Variants in NCEH1 observed in about 807,000 individuals in gnomAD.
NCEH1 encodes 2-acetyl MAGE hydrolase.
Under a neutral mutation model 25.4 loss-of-function variants are expected in NCEH1, and 9 were observed. The observed-to-expected ratio is 0.35, with a 90% CI of 0.21 to 0.62. The LOEUF is 0.62. Among genes scored for constraint, NCEH1 ranks in the 20% least tolerant of loss-of-function variants. NCEH1 has a pLI of 0.72. For missense variants in NCEH1, 412 were observed against 501.1 expected, an observed-to-expected ratio of 0.82 and a Z score of 1.70; for synonymous variants, 200 against 199.8, an observed-to-expected ratio of 1.00 and a Z score of -0.01.
chr3:172,705,693 C>G (rs1370938086), intron 1 of NCEH1, among the ~76,000 whole-genome samples: 1 of 152,088 alleles, frequency 6.6e-6, no homozygotes, highest in Non-Finnish European at 1.5e-5. Context: ...TGTATGCAAG[C>G]CCCTAATAAA....
chr3:172,705,651 T>G (rs1228514159), intron 1 of NCEH1, among the ~76,000 whole-genome samples: 1 of 152,104 alleles, frequency 6.6e-6, no homozygotes, highest in Non-Finnish European at 1.5e-5. Context: ...GTGGTTCTTC[T>G]GTCCAGCCCA....
intron 1 of NCEH1, among the ~76,000 whole-genome samples, chr3:172,678,169 C>G (rs1187602082): frequency 6.6e-6 from 1 of 152,196 alleles, no homozygotes; most frequent in African/African-American, 2.4e-5. Flanking sequence ...GCAGCACATT[C>G]TCTCTGCCAG....
chr3:172,670,781 A>C (rs1038818725), intron 1 of NCEH1, among the ~76,000 whole-genome samples: 3 of 152,218 alleles, frequency 2.0e-5, no homozygotes, highest in Non-Finnish European at 2.9e-5. Context: ...TTTATAAAAT[A>C]AGTTTCTAAT....
At chr3:172,651,492 G>GA (rs562905855) in intron 1 of NCEH1, among the ~76,000 whole-genome samples, 3 of 150,446 alleles carry the variant, frequency 2.0e-5, no homozygotes, top group Admixed American at 6.6e-5. Flanking sequence ...AGGGCTATGA[G>GA]AAAAAAAAGC....
At chr3:172,667,494 C>A (rs192342052) in intron 1 of NCEH1, among the ~76,000 whole-genome samples, 2 of 152,168 alleles carry the variant, frequency 1.3e-5, no homozygotes, top group Admixed American at 1.3e-4. Context: ...CCTAAGGTTG[C>A]GCAGTAAAGC....
At position 172,633,895 on chromosome 3, in the gene NCEH1, G is replaced by GTTAACGATCAT. The variant is rs1716487070; in HGVS notation, c.796_806dup (p.Asn269LysfsTer2). Reference sequence around the variant, plus strand: ...CTTCCACATCAAGTGAAGTGTGATTGTTAACGATCATTGCCTGCACAAAGT... The same window carrying GTTAACGATCAT: ...CTTCCACATCAAGTGAAGTGTGATTGTTAACGATCATTTAACGATCATTGCCTGCACAAAGT... On this transcript the variant is annotated stop_gained and frameshift_variant, in exon 5 of 5. Transcript: ENST00000475381. LOFTEE classifies it low-confidence loss of function (END_TRUNC). 5 of 1,614,222 alleles carry GTTAACGATCAT rather than the reference G, an allele frequency of 3.1e-6. No homozygotes were observed. The highest frequency in any genetic ancestry group is 4.2e-6 in the Non-Finnish European group (5 of 1,180,034).
At chr3:172,644,271 G>A (rs1717011666) in intron 3 of NCEH1, among the ~76,000 whole-genome samples, 1 of 152,192 alleles carries the variant, frequency 6.6e-6, no homozygotes, top group Non-Finnish European at 1.5e-5. Flanking sequence ...TGACTCTAGG[G>A]CTTCTGTCAA....
intron 3 of NCEH1, among the ~76,000 whole-genome samples, chr3:172,637,713 A>C (rs562962624): frequency 4.6e-5 from 7 of 152,342 alleles, no homozygotes; most frequent in Non-Finnish European, 7.3e-5. Flanking sequence ...ACATGGTGAA[A>C]ACCCGTTTCT....
At chr3:172,699,027 G>A (rs1713536283) in intron 1 of NCEH1, among the ~76,000 whole-genome samples, 1 of 152,162 alleles carries the variant, frequency 6.6e-6, no homozygotes, top group Non-Finnish European at 1.5e-5. Flanking sequence ...ATGATTTGGT[G>A]GGGAGCCTGT....
intron 1 of NCEH1, among the ~76,000 whole-genome samples, chr3:172,669,835 C>T (rs977215937): frequency 3.9e-5 from 6 of 152,210 alleles, no homozygotes; most frequent in Non-Finnish European, 5.9e-5. Flanking sequence ...CTGTGTCCAG[C>T]TCATATCATT....
chr3:172,687,456 A>G (rs1180262271), intron 1 of NCEH1, among the ~76,000 whole-genome samples: 2 of 152,242 alleles, frequency 1.3e-5, no homozygotes, highest in African/African-American at 4.8e-5. Flanking sequence ...CACAGGAACC[A>G]TTTGCAACAC....
chr3:172,694,040 C>A (rs374355232), intron 1 of NCEH1, among the ~76,000 whole-genome samples: 1 of 152,122 alleles, frequency 6.6e-6, no homozygotes, highest in East Asian at 1.9e-4. Flanking sequence ...ACTATAGGCA[C>A]GTGCCACCAC....
At chr3:172,655,374 C>T (rs1717642814) in intron 1 of NCEH1, among the ~76,000 whole-genome samples, 2 of 152,192 alleles carry the variant, frequency 1.3e-5, no homozygotes, top group East Asian at 1.9e-4. Context: ...TGGTGGCGCA[C>T]TGGCTCTGTA....
intron 1 of NCEH1, among the ~76,000 whole-genome samples, chr3:172,698,070 G>A (rs1282235489): frequency 2.7e-5 from 4 of 147,402 alleles, no homozygotes; most frequent in African/African-American, 1.0e-4. Flanking sequence ...TCTGCCTCCT[G>A]GGTTCAAGCG....
At chr3:172,643,017 C>T (rs946272827) in intron 3 of NCEH1, among the ~76,000 whole-genome samples, 1 of 152,188 alleles carries the variant, frequency 6.6e-6, no homozygotes, top group Non-Finnish European at 1.5e-5. Context: ...CGGCTCACTG[C>T]AACCTCCGCC....
intron 1 of NCEH1, among the ~76,000 whole-genome samples, chr3:172,701,152 T>C (rs1295326036): frequency 2.0e-5 from 3 of 152,164 alleles, no homozygotes; most frequent in Non-Finnish European, 4.4e-5. Context: ...GCTCTGGATC[T>C]GTATATGCAG....
intron 1 of NCEH1, among the ~76,000 whole-genome samples, chr3:172,686,988 G>A (rs1712734633): frequency 6.6e-6 from 1 of 152,122 alleles, no homozygotes. Context: ...TGGAAGTTAC[G>A]CAAACAGCTT....
chr3:172,678,752 T>C (rs1712164480), intron 1 of NCEH1, among the ~76,000 whole-genome samples: 1 of 152,208 alleles, frequency 6.6e-6, no homozygotes, highest in East Asian at 1.9e-4. Flanking sequence ...GCTTCCTACA[T>C]GCATATATTG....
chr3:172,641,413 A>G (rs1247772490), intron 3 of NCEH1, among the ~76,000 whole-genome samples: 1 of 152,168 alleles, frequency 6.6e-6, no homozygotes, highest in Non-Finnish European at 1.5e-5. Context: ...GAGTGACATG[A>G]ATCATGGAGT....
Sources: allele counts gnomAD v4.1 joint callset (sites outside exome capture counted in the v4.1 genomes callset), GRCh38; gene constraint gnomAD v4.1.1; transcripts MANE v1.5; gene names NCBI Gene and HGNC (gene_info 2026-07-23, HGNC 2026-07-21).